Variants in MAD1L1 observed in about 807,000 individuals in gnomAD.
MAD1L1 encodes the protein mitotic spindle assembly checkpoint protein MAD1.
In MAD1L1, 95 loss-of-function variants were observed where a neutral mutation model predicts 96.9. That is an observed-to-expected ratio of 0.98 (90% CI 0.83 to 1.16). The LOEUF (loss-of-function observed/expected upper bound fraction) is 1.16. MAD1L1 is among the 50% of genes most tolerant of loss of function. MAD1L1 has a pLI of 0.00. For missense variants in MAD1L1, 1,007 were observed against 954.4 expected, an observed-to-expected ratio of 1.06 and a Z score of -0.73; for synonymous variants, 473 against 396.6, an observed-to-expected ratio of 1.19 and a Z score of -2.29.
chr7:2,228,401 G>A (rs62442501), intron 3 of MAD1L1, among the ~76,000 whole-genome samples: 22,982 of 151,936 alleles, frequency 0.15, 2,114 homozygotes, highest in Middle Eastern at 0.24. Flanking sequence ...TGGGATTACA[G>A]GTGCCCACAC....
intron 11 of MAD1L1, among the ~76,000 whole-genome samples, chr7:2,104,993 C>G (rs1323077397): frequency 6.6e-6 from 1 of 152,264 alleles, no homozygotes; most frequent in Non-Finnish European, 1.5e-5. Context: ...CACAGCCCGC[C>G]TGGAGATGGG....
At chr7:1,883,875 G>A (rs1477542185) in intron 18 of MAD1L1, among the ~76,000 whole-genome samples, 1 of 152,246 alleles carries the variant, frequency 6.6e-6, no homozygotes, top group Non-Finnish European at 1.5e-5. Context: ...GAGCGAAGCT[G>A]ACTCTGACCT....
intron 11 of MAD1L1, among the ~76,000 whole-genome samples, chr7:2,095,941 A>G (rs1786465519): frequency 2.0e-5 from 3 of 152,228 alleles, no homozygotes; most frequent in African/African-American, 7.2e-5. Flanking sequence ...CTGTGAAGGA[A>G]GGAGAGCGCG....
intron 15 of MAD1L1, among the ~76,000 whole-genome samples, chr7:1,961,774 G>C (rs1779959554): frequency 6.6e-6 from 1 of 151,852 alleles, no homozygotes; most frequent in East Asian, 1.9e-4. Flanking sequence ...TGAATCAGAG[G>C]GCAGTTTCCC....
At chr7:2,127,829 A>G (rs2128565988) in intron 11 of MAD1L1, among the ~76,000 whole-genome samples, 1 of 152,246 alleles carries the variant, frequency 6.6e-6, no homozygotes, top group South Asian at 2.1e-4. Flanking sequence ...CCTAGGGTGG[A>G]GTTGCTGGGG....
intron 12 of MAD1L1, among the ~76,000 whole-genome samples, chr7:2,049,701 G>T (rs758859738): frequency 6.6e-6 from 1 of 152,186 alleles, no homozygotes; most frequent in African/African-American, 2.4e-5. Flanking sequence ...GGCCAGACTC[G>T]CTTCATCAGC....
At chr7:2,216,659 GCTCCA>G (rs1395997319) in intron 7 of MAD1L1, among the ~76,000 whole-genome samples, 1 of 152,206 alleles carries the variant, frequency 6.6e-6, no homozygotes, top group Non-Finnish European at 1.5e-5. Context: ...CGTCACACGT[GCTCCA>G]CTCTACCAGG....
intron 14 of MAD1L1, among the ~76,000 whole-genome samples, chr7:1,990,783 C>T (rs1476406481): frequency 9.1e-6 from 1 of 109,346 alleles, no homozygotes; most frequent in African/African-American, 3.6e-5. Flanking sequence ...TCACGAGCAC[C>T]GCTGGGTGCC....
At chr7:2,181,265 GC>G (rs1272923809) in intron 10 of MAD1L1, among the ~76,000 whole-genome samples, 1 of 152,318 alleles carries the variant, frequency 6.6e-6, no homozygotes, top group Admixed American at 6.5e-5. Flanking sequence ...CAGATTCTCT[GC>G]CCTTGCCAGG....
At chr7:1,825,956 C>T (rs1412473824) in intron 18 of MAD1L1, among the ~76,000 whole-genome samples, 1 of 152,128 alleles carries the variant, frequency 6.6e-6, no homozygotes, top group African/African-American at 2.4e-5. Context: ...CAGCACGGTC[C>T]CAGCCCCAGG....
chr7:2,021,413 A>G (rs745434451), intron 12 of MAD1L1, among the ~76,000 whole-genome samples: 8 of 152,190 alleles, frequency 5.3e-5, no homozygotes, highest in Non-Finnish European at 1.0e-4. Context: ...GAAACAAAAC[A>G]GCACCAGCCT....
chr7:1,899,801 C>T (rs529515506), intron 17 of MAD1L1, among the ~76,000 whole-genome samples: 80 of 152,232 alleles, frequency 5.3e-4, no homozygotes, highest in Non-Finnish European at 1.3e-4. Context: ...CTCTGATGGG[C>T]CAGTTTAAGG....
chr7:1,817,799 C>A (rs1037250776), intron 18 of MAD1L1, among the ~76,000 whole-genome samples: 1 of 152,052 alleles, frequency 6.6e-6, no homozygotes. Flanking sequence ...AGCCACAGGG[C>A]GGCCTGGCTC....
chr7:2,059,845 AG>A (rs1784560908), intron 12 of MAD1L1, among the ~76,000 whole-genome samples: 1 of 152,160 alleles, frequency 6.6e-6, no homozygotes. Context: ...TCCACAGGCC[AG>A]GAACACATAC....
intron 18 of MAD1L1, among the ~76,000 whole-genome samples, chr7:1,877,015 GA>G (rs1309953885): frequency 3.4e-5 from 5 of 146,452 alleles, no homozygotes; most frequent in African/African-American, 7.5e-5. Context: ...AAGCATTTTT[GA>G]ATCATTTTAA....
intron 18 of MAD1L1, among the ~76,000 whole-genome samples, chr7:1,897,093 G>A (rs1385555943): frequency 6.6e-6 from 1 of 152,326 alleles, no homozygotes; most frequent in African/African-American, 2.4e-5. Flanking sequence ...AGCAAGCCCG[G>A]CACGGTGCCC....
rs926428064 is a variant in MAD1L1, at chr7:1,977,378, C to T, written c.1505+3075G>A. 6.6e-5 allele frequency among the ~76,000 whole-genome samples: 10 copies of T among 152,356 alleles called. No individual in the cohort carries two copies. The South Asian group carries it at 8.3e-4, about 13-fold the overall frequency. Reference sequence around the variant, plus strand: ...CCCAGGTGCTAAGCCCCTCACTGCCCGGGGCCGGCAACGCTGGCCAGCTGC... The same window carrying T: ...CCCAGGTGCTAAGCCCCTCACTGCCTGGGGCCGGCAACGCTGGCCAGCTGC... On this transcript the variant is annotated intron_variant, in intron 15 of 18. Coordinates refer to ENST00000265854, the MANE Select transcript of MAD1L1 (RefSeq NM_001013836.2).
chr7:2,191,239 A>G lies in MAD1L1; in HGVS notation c.986+21973T>C, dbSNP rs531802350. Among the ~76,000 whole-genome samples, 219 of 152,294 alleles carry G rather than the reference A, an allele frequency of 1.4e-3. 1 individual carries two copies. The highest frequency in any genetic ancestry group is 2.3e-3 in the Non-Finnish European group (159 of 68,026). On this transcript the variant is annotated intron_variant, in intron 10 of 18. Transcript: ENST00000265854. ...CAAAACCACGGTGACAGCCAGACTG[A>G]GGGCAAGTACGCTGGGAGCCTGTTA...
chr7:2,028,286 G>A lies in MAD1L1; in HGVS notation c.1219-13644C>T, dbSNP rs978070797. On this transcript the variant is annotated intron_variant, in intron 12 of 18. Coordinates refer to ENST00000265854, the MANE Select transcript of MAD1L1 (RefSeq NM_001013836.2). Reference sequence around the variant, plus strand: ...TAAAAATACAAAAAATTAGCCGGGCGTGGTGGTGGGCGCCTGTAGTCCCAG... The same window carrying A: ...TAAAAATACAAAAAATTAGCCGGGCATGGTGGTGGGCGCCTGTAGTCCCAG... 3.9e-5 allele frequency among the ~76,000 whole-genome samples: 6 copies of A among 151,996 alleles called. No homozygotes were observed. In the South Asian group the frequency reaches 1.3e-3, roughly 32 times the overall value.
Sources: gnomAD v4.1 joint callset for allele counts (sites outside exome capture counted in the v4.1 genomes callset) on GRCh38, gnomAD v4.1.1 for gene constraint, MANE v1.5 for transcripts, NCBI Gene and HGNC (gene_info 2026-07-23, HGNC 2026-07-21) for gene names.